SYNDIG1: variants seen among roughly 807,000 people sequenced by gnomAD.
SYNDIG1 encodes synapse differentiation inducing 1, also known as synapse differentiation-inducing gene protein 1.
In SYNDIG1, 9 loss-of-function variants were observed where a neutral mutation model predicts 19.4. That is an observed-to-expected ratio of 0.46 (90% CI 0.28 to 0.81). The LOEUF (loss-of-function observed/expected upper bound fraction) is 0.81. Ranked by LOEUF, SYNDIG1 falls within the 30% of genes least tolerant of loss-of-function variation. The pLI is 0.12. For missense variants in SYNDIG1, 311 were observed against 343.3 expected (o/e 0.91, Z 0.74); for synonymous variants, 141 against 145.9 (o/e 0.97, Z 0.24).
At chr20:24,588,367 A>C (rs1444997020) in intron 3 of SYNDIG1, among the ~76,000 whole-genome samples, 2 of 152,232 alleles carry the variant, frequency 1.3e-5, no homozygotes, top group East Asian at 3.8e-4. Flanking sequence ...GCATAACAGT[A>C]GTAATCAAAG....
At chr20:24,585,111 G>A in intron 3 of SYNDIG1, 118 bp downstream of exon 3, 1 of 1,357,582 alleles carries the variant, frequency 7.4e-7, no homozygotes, top group Non-Finnish European at 1.0e-6. Context: ...TGCTACAGCT[G>A]GGTCGGCACT....
intron 3 of SYNDIG1, among the ~76,000 whole-genome samples, chr20:24,615,518 GCACAAGGAACCCATGCTGCACC>G (rs969208107): frequency 2.6e-5 from 4 of 152,170 alleles, no homozygotes; most frequent in Non-Finnish European, 4.4e-5. Flanking sequence ...GAGCCTGGGA[GCACAAGGAACCCATGCTGCACC>G]CACTTCATCC....
intron 1 of SYNDIG1, among the ~76,000 whole-genome samples, chr20:24,477,358 G>A (rs1649964295): frequency 6.6e-6 from 1 of 151,466 alleles, no homozygotes; most frequent in Admixed American, 6.6e-5. Context: ...TTTTTTACCA[G>A]AGCAGGGCCA....
At position 24,617,003 on chromosome 20, in the gene SYNDIG1, G is replaced by GT. The variant is rs2058945363; in HGVS notation, c.618+32011dup. Among the ~76,000 whole-genome samples the GT allele has an allele frequency of 2.6e-5, 4 of 152,114 alleles. No homozygotes were observed. In the East Asian group the frequency reaches 7.7e-4, roughly 29 times the overall value. ...GAGGTGGCTTCGGTGGCTTCTGGAGGTATCTGCCCGCTTCCACAGCCCTCT... is the reference window on the plus strand; with the variant it reads ...GAGGTGGCTTCGGTGGCTTCTGGAGGTTATCTGCCCGCTTCCACAGCCCTCT... On this transcript the variant is annotated intron_variant, in intron 3 of 3. Transcript: ENST00000376862.
At chr20:24,520,310 C>T (rs899904378) in intron 1 of SYNDIG1, among the ~76,000 whole-genome samples, 7 of 151,630 alleles carry the variant, frequency 4.6e-5, no homozygotes, top group Non-Finnish European at 8.8e-5. Context: ...AACAATAGTA[C>T]TACAGTACTA....
intron 1 of SYNDIG1, among the ~76,000 whole-genome samples, chr20:24,496,091 C>T (rs1325909172): frequency 6.6e-6 from 1 of 152,068 alleles, no homozygotes; most frequent in Non-Finnish European, 1.5e-5. Context: ...GTGATCAGCC[C>T]GCCTCGGCCT....
intron 1 of SYNDIG1, among the ~76,000 whole-genome samples, chr20:24,489,080 C>T (rs2056059102): frequency 6.6e-6 from 1 of 152,332 alleles, no homozygotes; most frequent in Non-Finnish European, 1.5e-5. Flanking sequence ...AAATGAACAT[C>T]CAGCTTCTTT....
At chr20:24,508,495 G>C (rs2056662636) in intron 1 of SYNDIG1, among the ~76,000 whole-genome samples, 1 of 152,090 alleles carries the variant, frequency 6.6e-6, no homozygotes, top group Non-Finnish European at 1.5e-5. Context: ...TGGGATTACA[G>C]GCGTGAGCCA....
At chr20:24,504,064 A>G (rs2056525212) in intron 1 of SYNDIG1, among the ~76,000 whole-genome samples, 1 of 145,876 alleles carries the variant, frequency 6.9e-6, no homozygotes. Flanking sequence ...GGCTCACGCC[A>G]TTCTCCTGTC....
intron 3 of SYNDIG1, 52 bp from the exon 4 acceptor site, chr20:24,665,294 G>A: frequency 6.4e-7 from 1 of 1,560,058 alleles, no homozygotes; most frequent in Non-Finnish European, 8.6e-7. Flanking sequence ...TCCACTCACT[G>A]CTTGTTCCGA....
At chr20:24,485,309 G>A (rs2055925034) in intron 1 of SYNDIG1, among the ~76,000 whole-genome samples, 1 of 152,228 alleles carries the variant, frequency 6.6e-6, no homozygotes, top group Admixed American at 6.5e-5. Context: ...CTTCTAGAGT[G>A]TGGTGCTATA....
chr20:24,580,322 C>G (rs545453379), intron 2 of SYNDIG1, among the ~76,000 whole-genome samples: 7 of 152,178 alleles, frequency 4.6e-5, no homozygotes, highest in African/African-American at 1.7e-4. Flanking sequence ...ACCATTTATA[C>G]TCCAGAACAT....
chr20:24,571,161 C>A (rs932617676), intron 2 of SYNDIG1, among the ~76,000 whole-genome samples: 2 of 152,064 alleles, frequency 1.3e-5, no homozygotes, highest in Non-Finnish European at 2.9e-5. Flanking sequence ...TGAGGGAGTT[C>A]TTTGGAGGTG....
intron 1 of SYNDIG1, among the ~76,000 whole-genome samples, chr20:24,478,946 CTG>C (rs1258964783): frequency 6.6e-6 from 1 of 152,208 alleles, no homozygotes; most frequent in Non-Finnish European, 1.5e-5. Flanking sequence ...CTCGTGGGCA[CTG>C]TGTTCTTGTC....
intron 1 of SYNDIG1, among the ~76,000 whole-genome samples, chr20:24,518,939 GA>G (rs1306428392): frequency 1.3e-5 from 2 of 152,176 alleles, no homozygotes; most frequent in Non-Finnish European, 2.9e-5. Flanking sequence ...AGGGTCTCTG[GA>G]GTGAGTACCC....
chr20:24,526,880 C>T (rs1226115699), intron 1 of SYNDIG1, among the ~76,000 whole-genome samples: 2 of 152,092 alleles, frequency 1.3e-5, no homozygotes, highest in South Asian at 2.1e-4. Flanking sequence ...CTTTTGCTTC[C>T]ATTATTGCTT....
At chr20:24,577,224 G>A (rs1011231484) in intron 2 of SYNDIG1, among the ~76,000 whole-genome samples, 10 of 152,204 alleles carry the variant, frequency 6.6e-5, no homozygotes, top group African/African-American at 2.4e-4. Flanking sequence ...CTCAGGAGAT[G>A]TCTGTGGTTT....
At chr20:24,594,109 T>A (rs2058556979) in intron 3 of SYNDIG1, among the ~76,000 whole-genome samples, 1 of 152,116 alleles carries the variant, frequency 6.6e-6, no homozygotes, top group Admixed American at 6.5e-5. Context: ...ATTTGCCAAG[T>A]CTTATGTCCA....
At chr20:24,640,495 AAG>A (rs1238742677) in intron 3 of SYNDIG1, among the ~76,000 whole-genome samples, 2 of 138,708 alleles carry the variant, frequency 1.4e-5, no homozygotes, top group African/African-American at 5.1e-5. Context: ...GGAAGGAAGG[AAG>A]GAAGGAAGGA....
Sources: gnomAD v4.1 joint callset for allele counts (sites outside exome capture counted in the v4.1 genomes callset) on GRCh38, gnomAD v4.1.1 for gene constraint, MANE v1.5 for transcripts, NCBI Gene and HGNC (gene_info 2026-07-23, HGNC 2026-07-21) for gene names.